The following CTNNA2 variants were observed in gnomAD, a reference collection of about 807,000 sequenced individuals.
The protein encoded by CTNNA2 is catenin alpha-2.
CTNNA2 carries 42 observed loss-of-function variants against 101.0 expected under a neutral mutation model. The observed-to-expected ratio is 0.42, with a 90% CI of 0.32 to 0.54. The LOEUF (loss-of-function observed/expected upper bound fraction) is 0.54. Among genes scored for constraint, CTNNA2 ranks in the 20% least tolerant of loss-of-function variants. The pLI is 0.14. For missense variants in CTNNA2, 871 were observed against 1,223.1 expected, an observed-to-expected ratio of 0.71 and a Z score of 4.29; for synonymous variants, 450 against 456.4, an observed-to-expected ratio of 0.99 and a Z score of 0.18.
intron 3 of CTNNA2, among the ~76,000 whole-genome samples, chr2:79,364,661 T>G (rs1041463519): frequency 6.6e-6 from 1 of 152,132 alleles, no homozygotes; most frequent in East Asian, 1.9e-4. Context: ...ATTTCAAAAA[T>G]TTCAAAGACA....
At chr2:80,521,745 C>A (rs112358776) in intron 9 of CTNNA2, among the ~76,000 whole-genome samples, 1 of 152,112 alleles carries the variant, frequency 6.6e-6, no homozygotes, top group Admixed American at 6.5e-5. Flanking sequence ...ACTGCTGACA[C>A]CTTGATTTTA....
intron 4 of CTNNA2, among the ~76,000 whole-genome samples, chr2:79,389,546 G>T (rs184979558): frequency 2.9e-3 from 441 of 152,256 alleles, no homozygotes; most frequent in Middle Eastern, 0.01. Context: ...GTGAATTATT[G>T]TTGTTTTCAG....
chr2:79,410,207 A>G (rs1355859068), intron 4 of CTNNA2, among the ~76,000 whole-genome samples: 11 of 146,464 alleles, frequency 7.5e-5, no homozygotes, highest in Admixed American at 5.5e-4. Context: ...TTGGGCTGAG[A>G]CAATGGGGTT....
At chr2:80,575,806 A>G (rs1694992375) in intron 13 of CTNNA2, among the ~76,000 whole-genome samples, 1 of 152,156 alleles carries the variant, frequency 6.6e-6, no homozygotes, top group Admixed American at 6.5e-5. Context: ...ACACAATTTT[A>G]GATAAAATGT....
At chr2:80,016,959 C>T (rs906647272) in intron 7 of CTNNA2, among the ~76,000 whole-genome samples, 3 of 152,096 alleles carry the variant, frequency 2.0e-5, no homozygotes, top group Admixed American at 6.5e-5. Context: ...CTATCAAAGC[C>T]TCTCATTTAA....
chr2:80,523,507 G>A (rs1309398620), intron 9 of CTNNA2, among the ~76,000 whole-genome samples: 3 of 152,166 alleles, frequency 2.0e-5, no homozygotes, highest in Non-Finnish European at 4.4e-5. Context: ...AGGAAGATAG[G>A]CTACGACAAT....
chr2:80,586,814 A>G (rs1390786268), intron 14 of CTNNA2, among the ~76,000 whole-genome samples: 1 of 152,230 alleles, frequency 6.6e-6, no homozygotes, highest in African/African-American at 2.4e-5. Flanking sequence ...ATACATACAC[A>G]TGCTATTTAA....
chr2:79,871,112 A>T (rs1183757605), intron 5 of CTNNA2, among the ~76,000 whole-genome samples: 3 of 152,142 alleles, frequency 2.0e-5, no homozygotes, highest in Non-Finnish European at 4.4e-5. Context: ...CATCCTTTTG[A>T]CTGCTTCCAG....
At chr2:79,871,081 A>T (rs922485833) in intron 5 of CTNNA2, among the ~76,000 whole-genome samples, 3 of 152,160 alleles carry the variant, frequency 2.0e-5, no homozygotes, top group Non-Finnish European at 2.9e-5. Flanking sequence ...ATGTGGAAGG[A>T]TCTCCTAAAA....
intron 2 of CTNNA2, among the ~76,000 whole-genome samples, chr2:79,238,956 A>AATTTTT (rs1467352344): frequency 4.6e-5 from 7 of 152,150 alleles, no homozygotes; most frequent in African/African-American, 1.7e-4. Context: ...TTTAAAAATA[A>AATTTTT]ATTTTTATTT....
At chr2:79,587,190 T>C (rs1358255734) in intron 1 of CTNNA2, among the ~76,000 whole-genome samples, 1 of 152,184 alleles carries the variant, frequency 6.6e-6, no homozygotes, top group East Asian at 1.9e-4. Flanking sequence ...TACCCAGTAA[T>C]GGGATGGCTG....
chr2:79,700,311 T>C (rs548319574), intron 2 of CTNNA2, among the ~76,000 whole-genome samples: 1 of 152,272 alleles, frequency 6.6e-6, no homozygotes, highest in South Asian at 2.1e-4. Context: ...CCTAAGGGAA[T>C]AGTAAGGTTT....
chr2:80,632,931 A>G (rs1428914460), intron 18 of CTNNA2, among the ~76,000 whole-genome samples: 1 of 152,228 alleles, frequency 6.6e-6, no homozygotes, highest in East Asian at 1.9e-4. Context: ...ATAGAAACTC[A>G]AAGAGATTAC....
At chr2:80,056,837 C>G (rs1697244933) in intron 7 of CTNNA2, among the ~76,000 whole-genome samples, 1 of 152,268 alleles carries the variant, frequency 6.6e-6, no homozygotes, top group Middle Eastern at 3.4e-3. Flanking sequence ...CATGGTTGAT[C>G]CTGGAACTTC....
intron 7 of CTNNA2, among the ~76,000 whole-genome samples, chr2:80,387,022 G>A (rs998021272): frequency 1.3e-5 from 2 of 152,282 alleles, no homozygotes; most frequent in Middle Eastern, 3.4e-3. Flanking sequence ...GATGGGAACA[G>A]CCTTTAAAGA....
chr2:80,250,727 C>T (rs1671701774), intron 7 of CTNNA2, among the ~76,000 whole-genome samples: 1 of 152,098 alleles, frequency 6.6e-6, no homozygotes, highest in Admixed American at 6.5e-5. Flanking sequence ...TCAGAGGCAG[C>T]CTGCTTCCTC....
chr2:79,520,575 T>C (rs183322498), intron 1 of CTNNA2, among the ~76,000 whole-genome samples: 27 of 152,338 alleles, frequency 1.8e-4, no homozygotes, highest in Admixed American at 1.8e-3. Flanking sequence ...GAACTACATG[T>C]CTCTCTCTGT....
intron 7 of CTNNA2, among the ~76,000 whole-genome samples, chr2:79,983,744 G>C (rs1179511579): frequency 1.3e-5 from 2 of 152,088 alleles, no homozygotes; most frequent in Non-Finnish European, 2.9e-5. Flanking sequence ...GAAAATAAAA[G>C]ATTTTCTAAT....
chr2:79,901,240 T>A (rs1205897853), intron 6 of CTNNA2, among the ~76,000 whole-genome samples: 1 of 151,752 alleles, frequency 6.6e-6, no homozygotes, highest in Non-Finnish European at 1.5e-5. Flanking sequence ...ATTTAAAAGA[T>A]AAAAGTGAAT....
Sources: gnomAD v4.1 joint callset for allele counts (sites outside exome capture counted in the v4.1 genomes callset) on GRCh38, gnomAD v4.1.1 for gene constraint, MANE v1.5 for transcripts, NCBI Gene and HGNC (gene_info 2026-07-23, HGNC 2026-07-21) for gene names.